KIAA1549L: variants seen among roughly 807,000 people sequenced by gnomAD.
KIAA1549L encodes the protein UPF0606 protein KIAA1549L.
A neutral mutation model predicts 160.7 loss-of-function variants in KIAA1549L; 88 were observed. That is an observed-to-expected ratio of 0.55 (90% CI 0.46 to 0.65). KIAA1549L has a LOEUF of 0.65. Among genes scored for constraint, KIAA1549L ranks in the 30% least tolerant of loss-of-function variants. The pLI is 0.00. For synonymous variants in KIAA1549L, 950 were observed against 976.7 expected (o/e 0.97, Z 0.51); for missense variants, 2,258 against 2,437.5 (o/e 0.93, Z 1.55).
intron 1 of KIAA1549L, among the ~76,000 whole-genome samples, chr11:33,524,486 A>G (rs557076884): frequency 6.7e-6 from 1 of 148,610 alleles, no homozygotes; most frequent in South Asian, 2.1e-4. Context: ...TTTTATTTTT[A>G]TTAGTTCATT....
chr11:33,562,869 TG>T (rs1361710279), intron 8 of KIAA1549L, among the ~76,000 whole-genome samples: 7 of 151,722 alleles, frequency 4.6e-5, no homozygotes, highest in Admixed American at 4.6e-4. Flanking sequence ...TTAGTAGAGA[TG>T]GGGTTTCACC....
chr11:33,380,830 G>A (rs1170429659), intron 1 of KIAA1549L, among the ~76,000 whole-genome samples: 2 of 152,030 alleles, frequency 1.3e-5, no homozygotes, highest in African/African-American at 4.8e-5. Flanking sequence ...GTTTTGACCT[G>A]GGACGTCCTC....
At chr11:33,488,860 C>T (rs938930237) in intron 1 of KIAA1549L, among the ~76,000 whole-genome samples, 2 of 152,176 alleles carry the variant, frequency 1.3e-5, no homozygotes, top group Non-Finnish European at 2.9e-5. Flanking sequence ...ATAATTTATG[C>T]AGGGTCACCC....
chr11:33,426,232 G>A (rs2134112354), intron 1 of KIAA1549L, among the ~76,000 whole-genome samples: 1 of 152,286 alleles, frequency 6.6e-6, no homozygotes, highest in African/African-American at 2.4e-5. Flanking sequence ...GAAGCGTATT[G>A]AACTCTCTGC....
chr11:33,451,393 A>G (rs1400470372), intron 1 of KIAA1549L, among the ~76,000 whole-genome samples: 1 of 152,250 alleles, frequency 6.6e-6, no homozygotes, highest in Non-Finnish European at 1.5e-5. Context: ...ACAAGGGGAC[A>G]ACATAGACAA....
At chr11:33,595,753 A>G (rs1028306926) in intron 12 of KIAA1549L, among the ~76,000 whole-genome samples, 1 of 152,192 alleles carries the variant, frequency 6.6e-6, no homozygotes, top group Non-Finnish European at 1.5e-5. Context: ...CCTGCTAGAT[A>G]AAGACTGCCT....
At chr11:33,584,668 A>C (rs1855754313) in intron 11 of KIAA1549L, among the ~76,000 whole-genome samples, 1 of 152,220 alleles carries the variant, frequency 6.6e-6, no homozygotes, top group South Asian at 2.1e-4. Context: ...GCTCGTAGTC[A>C]GGGAAGGTTT....
In KIAA1549L at chr11:33,542,616, G is replaced by C. The variant is rs768276043; in HGVS notation, c.1053G>C (p.Leu351=). 2 of 1,613,896 alleles carry C rather than the reference G, an allele frequency of 1.2e-6. No individual in the cohort carries two copies. Among genetic ancestry groups the C allele is most frequent in the South Asian group, 1.1e-5 (1 of 91,074 alleles). Residue 351 remains leucine (L), a synonymous_variant, in exon 2 of 21, where the codon CTG becomes CTC. Transcript: ENST00000658780. ...GGTTTTTGAGCCCCATGGCAGAACTGTCCCATCCGTCTCCCCCTCCCCCAG... is the reference window on the plus strand; with the variant it reads ...GGTTTTTGAGCCCCATGGCAGAACTCTCCCATCCGTCTCCCCCTCCCCCAG... The part of the protein sequence containing the change: ...TPGFLSPMAE[L]SHPSPPPPAL...
chr11:33,396,479 C>T (rs924700533), intron 1 of KIAA1549L, among the ~76,000 whole-genome samples: 4 of 152,098 alleles, frequency 2.6e-5, no homozygotes, highest in Non-Finnish European at 4.4e-5. Context: ...TTGGGTTAAT[C>T]GGAAGGAGGA....
chr11:33,477,966 G>A (rs779572209), intron 1 of KIAA1549L, among the ~76,000 whole-genome samples: 1 of 152,204 alleles, frequency 6.6e-6, no homozygotes, highest in Non-Finnish European at 1.5e-5. Flanking sequence ...AAAATAGGTG[G>A]AGACCTGTGA....
intron 11 of KIAA1549L, among the ~76,000 whole-genome samples, chr11:33,590,766 A>C (rs900858456): frequency 4.6e-5 from 7 of 152,198 alleles, no homozygotes; most frequent in African/African-American, 1.7e-4. Context: ...AGATGAAAAA[A>C]TTGAGGTTCA....
intron 16 of KIAA1549L, 75 bp downstream of exon 16, chr11:33,618,737 T>C: frequency 7.8e-7 from 1 of 1,289,090 alleles, no homozygotes; most frequent in Non-Finnish European, 1.0e-6. Context: ...CATCCCACTG[T>C]GTTTTGGTTT....
chr11:33,652,433 G>A (rs1023971380), intron 17 of KIAA1549L, among the ~76,000 whole-genome samples: 2 of 152,174 alleles, frequency 1.3e-5, no homozygotes, highest in African/African-American at 2.4e-5. Flanking sequence ...CTGATCTCCT[G>A]TGCCATCTTG....
At chr11:33,551,989 A>G (rs1444479676) in intron 5 of KIAA1549L, 119 bp from the exon 6 acceptor site, 18 of 1,122,002 alleles carry the variant, frequency 1.6e-5, no homozygotes, top group Middle Eastern at 2.1e-4. Context: ...TGGCCTTATT[A>G]TTTATTTGCC....
intron 1 of KIAA1549L, among the ~76,000 whole-genome samples, chr11:33,446,485 C>G (rs1030681876): frequency 6.6e-6 from 1 of 151,930 alleles, no homozygotes; most frequent in Non-Finnish European, 1.5e-5. Flanking sequence ...AACAAATTAC[C>G]CAACACTTAG....
chr11:33,452,694 A>G (rs1851746114), intron 1 of KIAA1549L, among the ~76,000 whole-genome samples: 1 of 152,190 alleles, frequency 6.6e-6, no homozygotes, highest in Non-Finnish European at 1.5e-5. Flanking sequence ...CTGCCACACT[A>G]GAAACCTTCT....
At chr11:33,558,825 T>C (rs1315947694) in intron 6 of KIAA1549L, among the ~76,000 whole-genome samples, 1 of 151,916 alleles carries the variant, frequency 6.6e-6, no homozygotes, top group Non-Finnish European at 1.5e-5. Flanking sequence ...TATTTCTGAA[T>C]TCCTTTTTCT....
At chr11:33,659,749 C>A (rs1564946608) in intron 19 of KIAA1549L, among the ~76,000 whole-genome samples, 2 of 152,222 alleles carry the variant, frequency 1.3e-5, no homozygotes, top group Non-Finnish European at 2.9e-5. Flanking sequence ...AAACACCTGA[C>A]CACCAAGGTG....
chr11:33,651,995 C>T (rs1478840738), intron 17 of KIAA1549L, among the ~76,000 whole-genome samples: 1 of 147,656 alleles, frequency 6.8e-6, no homozygotes, highest in Non-Finnish European at 1.5e-5. Flanking sequence ...AGAGAGTGCT[C>T]TCTTCTGGTC....
Sources: gnomAD v4.1 joint callset for allele counts (sites outside exome capture counted in the v4.1 genomes callset) on GRCh38, gnomAD v4.1.1 for gene constraint, MANE v1.5 for transcripts, NCBI Gene and HGNC (gene_info 2026-07-23, HGNC 2026-07-21) for gene names.